Variants in CNTN5 observed in about 807,000 individuals in gnomAD.
CNTN5 encodes contactin 5, also known as contactin-5.
CNTN5 carries 77 observed loss-of-function variants against 129.1 expected under a neutral mutation model. The observed-to-expected ratio is 0.60, with a 90% CI of 0.50 to 0.72. The LOEUF (loss-of-function observed/expected upper bound fraction) is 0.72, where lower values mean the gene tolerates loss of function less well. Ranked by LOEUF, CNTN5 falls within the 30% of genes least tolerant of loss-of-function variation. CNTN5 has a pLI of 0.00. For missense variants in CNTN5, 1,478 were observed against 1,328.8 expected (o/e 1.11, Z -1.75); for synonymous variants, 509 against 465.6 (o/e 1.09, Z -1.20).
At chr11:99,988,056 C>G (rs539511591) in intron 8 of CNTN5, among the ~76,000 whole-genome samples, 18 of 152,300 alleles carry the variant, frequency 1.2e-4, no homozygotes, top group African/African-American at 4.3e-4. Flanking sequence ...AGCATTCCCC[C>G]TCTGAAAACA....
At chr11:99,740,389 TTTG>T (rs1353263737) in intron 3 of CNTN5, among the ~76,000 whole-genome samples, 2 of 152,162 alleles carry the variant, frequency 1.3e-5, no homozygotes, top group African/African-American at 4.8e-5. Flanking sequence ...GGAGAACTTG[TTTG>T]TTAAGAATGA....
intron 13 of CNTN5, among the ~76,000 whole-genome samples, chr11:100,135,769 T>A (rs1363131822): frequency 3.9e-5 from 6 of 152,136 alleles, no homozygotes; most frequent in African/African-American, 1.4e-4. Context: ...ATGGCTATGG[T>A]CACACCTGTA....
chr11:99,736,178 T>G (rs141558448), intron 3 of CNTN5, among the ~76,000 whole-genome samples: 2,776 of 152,292 alleles, frequency 0.018, 80 homozygotes, highest in African/African-American at 0.062. Context: ...CTCTATTACT[T>G]GCAGCTTTCA....
intron 2 of CNTN5, among the ~76,000 whole-genome samples, chr11:99,360,878 A>G (rs1193730626): frequency 4.6e-5 from 7 of 152,158 alleles, no homozygotes. Context: ...TTGATTACAA[A>G]TTTTATCAAT....
intron 1 of CNTN5, among the ~76,000 whole-genome samples, chr11:99,208,043 G>A (rs1859571071): frequency 6.6e-6 from 1 of 152,116 alleles, no homozygotes; most frequent in South Asian, 2.1e-4. Context: ...AAATGTAACA[G>A]GCTATTAAAA....
intron 13 of CNTN5, among the ~76,000 whole-genome samples, chr11:100,189,497 GATGAGA>G (rs1948407407): frequency 6.6e-6 from 1 of 152,092 alleles, no homozygotes; most frequent in Admixed American, 6.6e-5. Flanking sequence ...TTACCTGCTA[GATGAGA>G]ATTCACCCAA....
At position 100,192,037 on chromosome 11, in the gene CNTN5, T is replaced by C. The variant is rs545352512; in HGVS notation, c.1708+784T>C. Among the ~76,000 whole-genome samples, 148 of 152,058 alleles carry C rather than the reference T, an allele frequency of 9.7e-4. 2 individuals carry two copies. Among genetic ancestry groups the C allele is most frequent in the African/African-American group, 3.3e-3 (135 of 41,520 alleles). Reference sequence around the variant, plus strand: ...TTAAAATAAAAATGTAATTAATACATTTACATTACTGGTACTAAAATACCA... The same window carrying C: ...TTAAAATAAAAATGTAATTAATACACTTACATTACTGGTACTAAAATACCA... On this transcript the variant is annotated intron_variant, in intron 14 of 24. Transcript: ENST00000524871.
intron 16 of CNTN5, among the ~76,000 whole-genome samples, chr11:100,248,397 T>G (rs1370924090): frequency 6.6e-6 from 1 of 151,808 alleles, no homozygotes; most frequent in Non-Finnish European, 1.5e-5. Flanking sequence ...AATTAAAAAA[T>G]TAGCTGGGCA....
rs1376659156 is a variant in CNTN5, at chr11:99,974,826, G to GT, written c.877+17821dup. ...AGCATGCTTTTTTCTTTAAATGTAGGTTTTCCTTCACAGTGTCAGAGTGTT... is the reference window on the plus strand; with the variant it reads ...AGCATGCTTTTTTCTTTAAATGTAGGTTTTTCCTTCACAGTGTCAGAGTGTT... On this transcript the variant is annotated intron_variant, in intron 8 of 24. Coordinates refer to ENST00000524871, the MANE Select transcript of CNTN5 (RefSeq NM_014361.4). Among the ~76,000 whole-genome samples, 9 of 152,168 alleles carry GT rather than the reference G, an allele frequency of 5.9e-5. No homozygotes were observed. The East Asian group carries it at 1.7e-3, about 29-fold the overall frequency.
chr11:99,977,319 T>C (rs575140514), intron 8 of CNTN5, among the ~76,000 whole-genome samples: 1 of 152,324 alleles, frequency 6.6e-6, no homozygotes, highest in South Asian at 2.1e-4. Flanking sequence ...TGTCTTCTTT[T>C]GAGCCCTCCA....
intron 2 of CNTN5, among the ~76,000 whole-genome samples, chr11:99,545,061 T>C (rs1948246726): frequency 6.6e-6 from 1 of 152,208 alleles, no homozygotes. Context: ...TTTATAACTA[T>C]AGTATATATT....
intron 9 of CNTN5, among the ~76,000 whole-genome samples, chr11:100,017,900 A>G (rs945903128): frequency 6.6e-6 from 1 of 152,010 alleles, no homozygotes; most frequent in Non-Finnish European, 1.5e-5. Flanking sequence ...ACTATGTGTT[A>G]CAAATAAAAG....
At chr11:99,262,362 T>C (rs1002203775) in intron 1 of CNTN5, among the ~76,000 whole-genome samples, 6 of 152,102 alleles carry the variant, frequency 3.9e-5, no homozygotes, top group African/African-American at 1.4e-4. Context: ...ATTTTGATAA[T>C]GGAATTTCAT....
chr11:99,110,502 G>A (rs976187721), intron 1 of CNTN5, among the ~76,000 whole-genome samples: 7 of 152,098 alleles, frequency 4.6e-5, no homozygotes, highest in African/African-American at 1.7e-4. Context: ...TAGCTGTGAG[G>A]ACACCACATA....
chr11:99,581,187 G>T, intron 3 of CNTN5, among the ~76,000 whole-genome samples: 1 of 109,516 alleles, frequency 9.1e-6, no homozygotes, highest in Non-Finnish European at 1.8e-5. Flanking sequence ...TTGCACTGTG[G>T]TCTGAGAGAC....
intron 2 of CNTN5, among the ~76,000 whole-genome samples, chr11:99,443,818 G>T (rs1943940149): frequency 6.6e-6 from 1 of 152,148 alleles, no homozygotes; most frequent in Admixed American, 6.5e-5. Flanking sequence ...AGATAGGAAT[G>T]CCAGTGGTGT....
intron 3 of CNTN5, among the ~76,000 whole-genome samples, chr11:99,641,353 A>G (rs1464008173): frequency 6.6e-6 from 1 of 152,178 alleles, no homozygotes; most frequent in African/African-American, 2.4e-5. Context: ...AGGAAAAGCA[A>G]CCTGGAAAAG....
At chr11:99,809,148 G>C (rs1049337756) in intron 3 of CNTN5, among the ~76,000 whole-genome samples, 7 of 152,186 alleles carry the variant, frequency 4.6e-5, no homozygotes, top group African/African-American at 1.7e-4. Context: ...TTTACTCTAT[G>C]GGGGAGAATG....
At chr11:100,248,954 A>C (rs1298238428) in intron 16 of CNTN5, among the ~76,000 whole-genome samples, 1 of 152,192 alleles carries the variant, frequency 6.6e-6, no homozygotes, top group Admixed American at 6.6e-5. Context: ...TCAAGACTAA[A>C]GCCTGTTCTT....
Sources: allele counts gnomAD v4.1 joint callset (sites outside exome capture counted in the v4.1 genomes callset), GRCh38; gene constraint gnomAD v4.1.1; transcripts MANE v1.5; gene names NCBI Gene and HGNC (gene_info 2026-07-23, HGNC 2026-07-21).